Variants in ADAMTS16 observed in about 807,000 individuals in gnomAD.
ADAMTS16 encodes the protein ADAM metallopeptidase with thrombospondin type 1 motif 16, also known as A disintegrin and metalloproteinase with thrombospondin motifs 16.
ADAMTS16 carries 94 observed loss-of-function variants against 145.8 expected under a neutral mutation model. The ratio of observed to expected loss-of-function variants is 0.64; its 90% CI spans 0.55 to 0.77. The LOEUF (loss-of-function observed/expected upper bound fraction) is 0.77, where lower values mean the gene tolerates loss of function less well. Among genes scored for constraint, ADAMTS16 ranks in the 30% least tolerant of loss-of-function variants. The probability of loss-of-function intolerance (pLI) is 0.00; values close to 1 mark genes in which losing one functional copy is unlikely to be tolerated. For synonymous variants in ADAMTS16, 659 were observed against 604.3 expected (o/e 1.09, Z -1.33); for missense variants, 1,585 against 1,591.5 (o/e 1.00, Z 0.07).
intron 2 of ADAMTS16, among the ~76,000 whole-genome samples, chr5:5,144,383 C>T (rs1195773957): frequency 6.6e-6 from 1 of 152,130 alleles, no homozygotes; most frequent in Non-Finnish European, 1.5e-5. Flanking sequence ...TCAACTTTGC[C>T]TCATGTGGTG....
intron 4 of ADAMTS16, among the ~76,000 whole-genome samples, chr5:5,184,703 T>C (rs574076590): frequency 6.6e-6 from 1 of 152,118 alleles, no homozygotes; most frequent in East Asian, 1.9e-4. Flanking sequence ...CTGGGGCCTG[T>C]GTGTTCTGGG....
chr5:5,241,974 A>C, intron 16 of ADAMTS16, 79 bp from the exon 17 acceptor site: 1 of 1,483,450 alleles, frequency 6.7e-7, no homozygotes, highest in Non-Finnish European at 9.3e-7. Context: ...TATTGTTTTA[A>C]GTAGTCTAAA....
intron 9 of ADAMTS16, among the ~76,000 whole-genome samples, chr5:5,201,823 C>T (rs1735965902): frequency 6.6e-6 from 1 of 152,164 alleles, no homozygotes; most frequent in South Asian, 2.1e-4. Flanking sequence ...GAACAAAGTT[C>T]CCCTATCCTA....
chr5:5,171,399 G>C (rs982665920), intron 3 of ADAMTS16, among the ~76,000 whole-genome samples: 1 of 152,114 alleles, frequency 6.6e-6, no homozygotes, highest in Non-Finnish European at 1.5e-5. Flanking sequence ...TATGACACTA[G>C]CTGTGGGTCT....
At chr5:5,254,126 T>C (rs773319485) in intron 17 of ADAMTS16, among the ~76,000 whole-genome samples, 6 of 152,326 alleles carry the variant, frequency 3.9e-5, no homozygotes, top group Non-Finnish European at 8.8e-5. Context: ...CAAAGACTTC[T>C]CTGGGCTTTT....
chr5:5,200,683 C>T (rs185637657), intron 9 of ADAMTS16, among the ~76,000 whole-genome samples: 21 of 151,530 alleles, frequency 1.4e-4, no homozygotes, highest in Non-Finnish European at 2.9e-4. Flanking sequence ...TTTTTTCTTT[C>T]TTTTCCTTCC....
intron 3 of ADAMTS16, among the ~76,000 whole-genome samples, chr5:5,158,237 A>C (rs1734650187): frequency 6.6e-6 from 1 of 152,170 alleles, no homozygotes; most frequent in Non-Finnish European, 1.5e-5. Context: ...GAGCATTTTA[A>C]AGGGCAGCAC....
intron 3 of ADAMTS16, among the ~76,000 whole-genome samples, chr5:5,156,505 G>C (rs1015677118): frequency 2.0e-5 from 3 of 152,174 alleles, no homozygotes; most frequent in Admixed American, 6.5e-5. Context: ...AAAGGAATGG[G>C]CTAACTAAAC....
chr5:5,281,066 A>G (rs1282100670), intron 18 of ADAMTS16, among the ~76,000 whole-genome samples: 1 of 152,268 alleles, frequency 6.6e-6, no homozygotes, highest in Non-Finnish European at 1.5e-5. Context: ...GTTCTTTAAA[A>G]AGAGAAGCAG....
intron 11 of ADAMTS16, among the ~76,000 whole-genome samples, chr5:5,228,899 T>C (rs1406154181): frequency 6.6e-6 from 1 of 152,234 alleles, no homozygotes; most frequent in East Asian, 1.9e-4. Flanking sequence ...AAGCATTAGG[T>C]CATAGCCTGT....
chr5:5,319,172 T>C lies in ADAMTS16; in HGVS notation c.*34T>C. Reference sequence around the variant, plus strand: ...CGCTCTCCGTAGCAGAGAAAGTGCCTGCGTGGCACAGAAATTTCCCACAAA... The same window carrying C: ...CGCTCTCCGTAGCAGAGAAAGTGCCCGCGTGGCACAGAAATTTCCCACAAA... On this transcript the variant is annotated 3_prime_UTR_variant, in exon 23 of 23. Coordinates refer to ENST00000274181, the MANE Select transcript of ADAMTS16 (RefSeq NM_139056.4). 3 of 1,492,116 alleles carry C rather than the reference T, an allele frequency of 2.0e-6. No individual in the cohort carries two copies. The highest frequency in any genetic ancestry group is 2.3e-5 in the East Asian group (1 of 43,552). The allele number at this position is 1,492,116 out of a possible 1,614,324, so 92.4% of individuals were successfully genotyped here.
At position 5,239,274 on chromosome 5, in the gene ADAMTS16, C is replaced by T. The variant is rs749038125; in HGVS notation, c.2278C>T (p.Gln760Ter). The T allele has an allele frequency of 3.9e-6, 6 of 1,558,238 alleles. No homozygotes were observed. The East Asian group carries it at 9.1e-5, about 24-fold the overall frequency. Residue 760 changes from glutamine to a stop codon, truncating the protein, a stop_gained and splice_region_variant, in exon 15 of 23, where the codon CAG becomes TAG. Transcript: ENST00000274181. LOFTEE classifies it high-confidence loss of function. ...GLYTKHHHTN[Q>*]YYHMVTIPSG... ...CTACACCAAGCACCACCACACCAAC[C>T]GTGAGTACTTTAGAGCTGCCTGCAA...
intron 22 of ADAMTS16, 125 bp downstream of exon 22, chr5:5,318,406 C>A (rs902275363): frequency 2.0e-6 from 2 of 1,017,214 alleles, no homozygotes; most frequent in Non-Finnish European, 1.3e-6. Flanking sequence ...CTCTTTGCAT[C>A]TTCTCCAGTT....
intron 18 of ADAMTS16, among the ~76,000 whole-genome samples, chr5:5,265,655 G>A (rs77193608): frequency 0.033 from 4,993 of 152,228 alleles, 125 homozygotes; most frequent in Non-Finnish European, 0.048. Context: ...GCCAAGGTGA[G>A]GCCTTGTGGT....
chr5:5,192,366 C>G (rs904888049), intron 8 of ADAMTS16, among the ~76,000 whole-genome samples: 1 of 152,182 alleles, frequency 6.6e-6, no homozygotes, highest in Non-Finnish European at 1.5e-5. Flanking sequence ...CCATGGTTAG[C>G]TGCTAACAGG....
rs940258461 is a variant in ADAMTS16 at position 5,267,797 on chromosome 5, G to A, written c.2789+5014G>A. 2.6e-5 allele frequency among the ~76,000 whole-genome samples: 4 copies of A among 152,300 alleles called. No individual in the cohort carries two copies. In the South Asian group the frequency reaches 8.3e-4, roughly 32 times the overall value. On this transcript the variant is annotated intron_variant, in intron 18 of 22. Coordinates refer to ENST00000274181, the MANE Select transcript of ADAMTS16 (RefSeq NM_139056.4). ...ATGTCTGTCCTCACCTAGGTCCATG[G>A]GCACAGGCCCGAGAGTGGAGCCCTC...
At chr5:5,266,928 CA>C (rs1291985701) in intron 18 of ADAMTS16, among the ~76,000 whole-genome samples, 2 of 152,208 alleles carry the variant, frequency 1.3e-5, no homozygotes, top group East Asian at 3.9e-4. Context: ...CTTATGTTGT[CA>C]GGCAAAATTG....
intron 14 of ADAMTS16, 137 bp downstream of exon 14, chr5:5,237,236 C>G (rs1737135813): frequency 1.2e-6 from 1 of 839,046 alleles, no homozygotes; most frequent in African/African-American, 1.7e-5. Flanking sequence ...GGGAGAAAGC[C>G]AGAAGAACAC....
chr5:5,156,968 G>T (rs1168151020), intron 3 of ADAMTS16, among the ~76,000 whole-genome samples: 1 of 152,188 alleles, frequency 6.6e-6, no homozygotes. Flanking sequence ...ACTCCTAGTT[G>T]CACTTGCTCT....
Sources: gnomAD v4.1 joint callset for allele counts (sites outside exome capture counted in the v4.1 genomes callset) on GRCh38, gnomAD v4.1.1 for gene constraint, MANE v1.5 for transcripts, NCBI Gene and HGNC (gene_info 2026-07-23, HGNC 2026-07-21) for gene names.